Variants in FBXO16 observed in about 807,000 individuals in gnomAD.
FBXO16 encodes the protein F-box protein 16.
A neutral mutation model predicts 41.0 loss-of-function variants in FBXO16; 31 were observed. That is an observed-to-expected ratio of 0.76 (90% CI 0.57 to 1.02). The LOEUF (loss-of-function observed/expected upper bound fraction) is 1.02. Ranked by LOEUF, FBXO16 falls within the 50% of genes least tolerant of loss-of-function variation. FBXO16 has a pLI of 0.00. For missense variants in FBXO16, 361 were observed against 346.2 expected (o/e 1.04, Z -0.34); for synonymous variants, 133 against 117.8 (o/e 1.13, Z -0.84).
At chr8:28,450,579 A>G (rs1307418810) in intron 6 of FBXO16, among the ~76,000 whole-genome samples, 2 of 152,166 alleles carry the variant, frequency 1.3e-5, no homozygotes, top group Admixed American at 1.3e-4. Context: ...TAATCTTTGC[A>G]CTATCTCTTG....
chr8:28,456,093 T>C (rs1276193132), intron 5 of FBXO16, among the ~76,000 whole-genome samples: 1 of 152,196 alleles, frequency 6.6e-6, no homozygotes, highest in East Asian at 1.9e-4. Flanking sequence ...TGTGTATAGA[T>C]AATGCTATAA....
chr8:28,440,890 AT>A (rs1802761891), intron 7 of FBXO16, among the ~76,000 whole-genome samples: 1 of 152,170 alleles, frequency 6.6e-6, no homozygotes, highest in African/African-American at 2.4e-5. Flanking sequence ...ATTTGTGTTT[AT>A]ACTTGATAAA....
chr8:28,466,983 G>A (rs974301018), intron 3 of FBXO16, among the ~76,000 whole-genome samples: 16 of 151,626 alleles, frequency 1.1e-4, no homozygotes, highest in Admixed American at 3.3e-4. Context: ...TCGCTGTGTC[G>A]CCAGGTTGGC....
At chr8:28,440,914 GAA>G (rs563229817) in intron 7 of FBXO16, among the ~76,000 whole-genome samples, 252 of 149,660 alleles carry the variant, frequency 1.7e-3, no homozygotes, top group African/African-American at 6.1e-3. Context: ...AAAAAACAAA[GAA>G]AAGAAACAAG....
At chr8:28,438,582 TAC>T (rs950781424) in intron 7 of FBXO16, among the ~76,000 whole-genome samples, 31 of 152,326 alleles carry the variant, frequency 2.0e-4, no homozygotes, top group African/African-American at 7.5e-4. Flanking sequence ...CTGCTGTTAC[TAC>T]TACTATTACT....
intron 5 of FBXO16, among the ~76,000 whole-genome samples, chr8:28,452,913 T>G (rs1245983893): frequency 7.7e-6 from 1 of 130,568 alleles, no homozygotes; most frequent in Non-Finnish European, 1.7e-5. Context: ...GATAAAAAAA[T>G]AAAAAAAAAG....
At chr8:28,447,933 G>A (rs569579061) in intron 6 of FBXO16, among the ~76,000 whole-genome samples, 2 of 151,964 alleles carry the variant, frequency 1.3e-5, no homozygotes, top group Non-Finnish European at 2.9e-5. Flanking sequence ...CAGCCTGGGC[G>A]ACAGAGTGAG....
rs572546006 is a variant in FBXO16, at chr8:28,454,455, G to A, written c.508-1979C>T. On this transcript the variant is annotated intron_variant, in intron 5 of 8. Transcript: ENST00000380254. ...AAAAAATCATTAATTCTGGCCGGGC[G>A]CGGTGGCTGAAGCCTGTAATCCCAG... Among the ~76,000 whole-genome samples, 15 of 151,728 alleles carry A rather than the reference G, an allele frequency of 9.9e-5. 1 individual carries two copies. Among genetic ancestry groups the A allele is most frequent in the East Asian group, 1.9e-4 (1 of 5,170 alleles).
At chr8:28,484,454 A>C (rs1424326416) in intron 1 of FBXO16, among the ~76,000 whole-genome samples, 2 of 152,156 alleles carry the variant, frequency 1.3e-5, no homozygotes, top group African/African-American at 4.8e-5. Context: ...GGAGGAATTA[A>C]TTCTCCCTCA....
intron 3 of FBXO16, 64 bp downstream of exon 3, chr8:28,473,703 TAATAG>T: frequency 7.3e-7 from 1 of 1,363,728 alleles, no homozygotes; most frequent in Non-Finnish European, 1.0e-6. Flanking sequence ...TCTGATTTTT[TAATAG>T]CAGCCTGAAA....
chr8:28,463,380 TTG>T (rs553029291), intron 4 of FBXO16, among the ~76,000 whole-genome samples: 25 of 138,910 alleles, frequency 1.8e-4, no homozygotes, highest in African/African-American at 5.6e-4. Flanking sequence ...ATGTGTGTGT[TTG>T]TGTGTTTGTG....
At chr8:28,466,122 C>T (rs1449859908) in intron 3 of FBXO16, among the ~76,000 whole-genome samples, 1 of 152,054 alleles carries the variant, frequency 6.6e-6, no homozygotes, top group Non-Finnish European at 1.5e-5. Flanking sequence ...GCCTGTAATT[C>T]CAGCTATTCG....
chr8:28,475,487 G>A (rs116004105), intron 2 of FBXO16, among the ~76,000 whole-genome samples: 115 of 152,306 alleles, frequency 7.6e-4, no homozygotes, highest in African/African-American at 2.7e-3. Context: ...AGAAGTAGAG[G>A]AGAATCTGTA....
chr8:28,447,345 G>A, intron 6 of FBXO16, 72 bp from the exon 7 acceptor site: 1 of 1,274,974 alleles, frequency 7.8e-7, no homozygotes, highest in Non-Finnish European at 1.1e-6. Flanking sequence ...ATAGCTATTT[G>A]TCTGTTTGAG....
intron 2 of FBXO16, among the ~76,000 whole-genome samples, chr8:28,476,374 T>G (rs1045076642): frequency 6.6e-6 from 1 of 152,160 alleles, no homozygotes; most frequent in South Asian, 2.1e-4. Context: ...TCAGGAGACC[T>G]CAGATCTGGT....
At chr8:28,437,582 C>A (rs887350052) in intron 7 of FBXO16, among the ~76,000 whole-genome samples, 5 of 152,182 alleles carry the variant, frequency 3.3e-5, no homozygotes, top group Non-Finnish European at 7.4e-5. Flanking sequence ...GAGTAAGAAA[C>A]AAAACACTGG....
chr8:28,447,787 C>T (rs919301788), intron 6 of FBXO16, among the ~76,000 whole-genome samples: 1 of 152,082 alleles, frequency 6.6e-6, no homozygotes, highest in Admixed American at 6.6e-5. Flanking sequence ...AACCCCATCT[C>T]TACTAAAAAT....
intron 7 of FBXO16, among the ~76,000 whole-genome samples, chr8:28,432,257 T>C (rs1481355740): frequency 6.6e-6 from 1 of 151,966 alleles, no homozygotes; most frequent in Middle Eastern, 3.4e-3. Context: ...GCGGATCACC[T>C]GAGGTCAGGA....
At chr8:28,445,493 G>A (rs1802849512) in intron 7 of FBXO16, among the ~76,000 whole-genome samples, 2 of 152,298 alleles carry the variant, frequency 1.3e-5, no homozygotes, top group African/African-American at 4.8e-5. Context: ...GTTCTCCCAT[G>A]GACTTCTCTT....
Sources: allele counts gnomAD v4.1 joint callset (sites outside exome capture counted in the v4.1 genomes callset), GRCh38; gene constraint gnomAD v4.1.1; transcripts MANE v1.5; gene names NCBI Gene and HGNC (gene_info 2026-07-23, HGNC 2026-07-21).